The following BCAS3 variants were observed in gnomAD, a reference collection of about 807,000 sequenced individuals.
BCAS3 encodes the protein BCAS4/BCAS3 fusion.
BCAS3 carries 53 observed loss-of-function variants against 116.1 expected under a neutral mutation model. The ratio of observed to expected loss-of-function variants is 0.46; its 90% CI spans 0.37 to 0.57. The LOEUF (loss-of-function observed/expected upper bound fraction) is 0.57, where lower values mean the gene tolerates loss of function less well. Ranked by LOEUF, BCAS3 falls within the 20% of genes least tolerant of loss-of-function variation. The pLI is 0.00. For synonymous variants in BCAS3, 391 were observed against 408.2 expected (o/e 0.96, Z 0.51); for missense variants, 917 against 1,165.4 (o/e 0.79, Z 3.10).
intron 22 of BCAS3, among the ~76,000 whole-genome samples, chr17:61,137,347 A>G (rs1214311161): frequency 6.6e-6 from 1 of 152,248 alleles, no homozygotes; most frequent in African/African-American, 2.4e-5. Context: ...TGCTTCCATA[A>G]GCCACATGCC....
chr17:60,850,158 A>C (rs1444873324), intron 7 of BCAS3, among the ~76,000 whole-genome samples: 1 of 152,088 alleles, frequency 6.6e-6, no homozygotes, highest in Non-Finnish European at 1.5e-5. Flanking sequence ...GCTGATACTG[A>C]TACAACTAAT....
intron 7 of BCAS3, among the ~76,000 whole-genome samples, chr17:60,812,981 A>G (rs1054453582): frequency 1.3e-5 from 2 of 152,084 alleles, no homozygotes; most frequent in Non-Finnish European, 2.9e-5. Context: ...GGCTTCAAGC[A>G]ATCCTCCTAT....
intron 22 of BCAS3, among the ~76,000 whole-genome samples, chr17:61,290,885 A>G (rs780784998): frequency 6.6e-6 from 1 of 151,940 alleles, no homozygotes; most frequent in Admixed American, 6.6e-5. Context: ...GGTTCATGCC[A>G]TTCTCCTGCC....
chr17:61,349,831 T>G lies in BCAS3; in HGVS notation c.2426-18496T>G, dbSNP rs917989032. Among the ~76,000 whole-genome samples, 2 of 152,206 alleles carry G rather than the reference T, an allele frequency of 1.3e-5. No homozygotes were observed. The highest frequency in any genetic ancestry group is 2.4e-5 in the African/African-American group (1 of 41,450). The stretch of plus-strand genomic sequence containing the variant: ...CTGCTCTCAGGAGTGATTTTGTACA[T>G]AAGGCCTTCGTCTCTACCAAAGGTA... On this transcript the variant is annotated intron_variant, in intron 22 of 23. Transcript: ENST00000407086. This position sits in a 1 kb window ranked among gnomAD's most constrained non-coding sequence, Gnocchi z 4.7.
At chr17:60,708,186 A>C (rs1245256554) in intron 4 of BCAS3, among the ~76,000 whole-genome samples, 2 of 152,010 alleles carry the variant, frequency 1.3e-5, no homozygotes, top group Non-Finnish European at 2.9e-5. Context: ...TTAGCTGGGC[A>C]TTATGGCATA....
intron 5 of BCAS3, among the ~76,000 whole-genome samples, chr17:60,714,130 C>A (rs1326963539): frequency 6.6e-6 from 1 of 152,088 alleles, no homozygotes; most frequent in South Asian, 2.1e-4. Context: ...AGCTACCGTG[C>A]CTGGCCTGCT....
rs112356220 is a variant in BCAS3 at position 61,106,409 on chromosome 17, T to C, written c.2425+21845T>C. ...TACAGTATTCGGTACAGTAACATAC[T>C]GCACAGATTTTTTGTCTGGGAGTAA... On this transcript the variant is annotated intron_variant, in intron 22 of 23. Coordinates refer to ENST00000407086, the MANE Select transcript of BCAS3 (RefSeq NM_017679.5). This position sits in a 1 kb window ranked among gnomAD's most constrained non-coding sequence, Gnocchi z 4.2. Among the ~76,000 whole-genome samples the C allele has an allele frequency of 1.3e-3, 198 of 152,348 alleles. No homozygotes were observed. The highest frequency in any genetic ancestry group is 4.3e-3 in the African/African-American group (178 of 41,582).
intron 22 of BCAS3, among the ~76,000 whole-genome samples, chr17:61,163,847 A>G (rs1002169233): frequency 6.6e-6 from 1 of 151,932 alleles, no homozygotes; most frequent in Admixed American, 6.5e-5. Flanking sequence ...TTAGCCAGGC[A>G]TGGTGGCGCA....
At chr17:61,040,976 C>A in intron 19 of BCAS3, 84 bp downstream of exon 19, 1 of 1,157,990 alleles carries the variant, frequency 8.6e-7, no homozygotes, top group Non-Finnish European at 1.3e-6. Flanking sequence ...GCAAACATTA[C>A]CACTGGTCCA....
chr17:60,681,364 G>A (rs1203831871), intron 2 of BCAS3, among the ~76,000 whole-genome samples: 1 of 151,682 alleles, frequency 6.6e-6, no homozygotes. Context: ...GCTGGGGGTG[G>A]TGGCAATAGC....
At chr17:60,927,193 G>C (rs2059403026) in intron 13 of BCAS3, among the ~76,000 whole-genome samples, 1 of 151,748 alleles carries the variant, frequency 6.6e-6, no homozygotes, top group South Asian at 2.1e-4. Flanking sequence ...GAAAGTGATA[G>C]GTCAGTTCAG....
intron 22 of BCAS3, among the ~76,000 whole-genome samples, chr17:61,123,319 AC>A (rs915595679): frequency 4.0e-5 from 6 of 151,842 alleles, no homozygotes; most frequent in African/African-American, 1.5e-4. Flanking sequence ...GGTGCCCCAC[AC>A]CTCCACTGCT....
chr17:60,909,126 C>T lies in BCAS3; in HGVS notation c.823-1406C>T, dbSNP rs376685973. ...TATCAACATAGTTTATGTTAAGTGC[C>T]TTTACCAGTCCCTAGTCCATAGAAA... On this transcript the variant is annotated intron_variant, in intron 11 of 23. Coordinates refer to ENST00000407086, the MANE Select transcript of BCAS3 (RefSeq NM_017679.5). 7.3e-4 allele frequency among the ~76,000 whole-genome samples: 111 copies of T among 152,260 alleles called. 2 individuals carry two copies. In the South Asian group the frequency reaches 0.023, roughly 32 times the overall value.
chr17:60,895,971 T>C (rs2057480714), intron 10 of BCAS3, among the ~76,000 whole-genome samples: 1 of 152,212 alleles, frequency 6.6e-6, no homozygotes. Context: ...GCTAAGAATG[T>C]ATATTCTGCA....
chr17:61,117,115 A>G (rs2075517639), intron 22 of BCAS3, among the ~76,000 whole-genome samples: 1 of 152,192 alleles, frequency 6.6e-6, no homozygotes, highest in Non-Finnish European at 1.5e-5. Flanking sequence ...TTTCGGGCTT[A>G]AAGGGATAGA....
intron 6 of BCAS3, among the ~76,000 whole-genome samples, chr17:60,806,657 GTCC>G (rs1011092608): frequency 1.3e-5 from 2 of 151,886 alleles, no homozygotes; most frequent in Admixed American, 1.3e-4. Context: ...GGCTCAGAGG[GTCC>G]TCCTACTTCA....
At chr17:61,357,696 C>A (rs1359381013) in intron 22 of BCAS3, among the ~76,000 whole-genome samples, 6 of 149,716 alleles carry the variant, frequency 4.0e-5, no homozygotes, top group Non-Finnish European at 7.4e-5. Flanking sequence ...CCCACCTCAG[C>A]CTCCCAAAGT....
intron 6 of BCAS3, among the ~76,000 whole-genome samples, chr17:60,780,552 C>A (rs953843356): frequency 6.6e-6 from 1 of 151,946 alleles, no homozygotes. Context: ...ATCCACCTGC[C>A]TTAGCCCCCC....
At chr17:61,052,505 A>C (rs1202311896) in intron 19 of BCAS3, among the ~76,000 whole-genome samples, 1 of 152,162 alleles carries the variant, frequency 6.6e-6, no homozygotes, top group Non-Finnish European at 1.5e-5. Context: ...AGTGATTAGA[A>C]GTAAAAGCAA....
Sources: gnomAD v4.1 joint callset for allele counts (sites outside exome capture counted in the v4.1 genomes callset) on GRCh38, gnomAD v4.1.1 for gene constraint, Gnocchi (gnomAD v3.1) non-coding constraint, MANE v1.5 for transcripts, NCBI Gene and HGNC (gene_info 2026-07-23, HGNC 2026-07-21) for gene names.